Variants in RDX observed in about 807,000 individuals in gnomAD.
RDX encodes the protein deafness, autosomal recessive 24.
Under a neutral mutation model 83.7 loss-of-function variants are expected in RDX, and 32 were observed. That is an observed-to-expected ratio of 0.38 (90% CI 0.29 to 0.51). The LOEUF (loss-of-function observed/expected upper bound fraction) is 0.51, where lower values mean the gene tolerates loss of function less well. RDX is among the 20% of genes least tolerant of loss of function. The pLI, the probability that RDX is intolerant of heterozygous loss-of-function variation, is 0.87. For synonymous variants in RDX, 229 were observed against 222.7 expected (o/e 1.03, Z -0.25); for missense variants, 600 against 689.9 (o/e 0.87, Z 1.46).
intron 14 of RDX, among the ~76,000 whole-genome samples, chr11:110,221,963 C>T (rs1216280122): frequency 6.6e-6 from 1 of 152,134 alleles, no homozygotes; most frequent in Non-Finnish European, 1.5e-5. Context: ...AGTGCACAAA[C>T]AGCAATTGCT....
intron 14 of RDX, among the ~76,000 whole-genome samples, chr11:110,215,774 G>A (rs752744411): frequency 1.6e-4 from 25 of 152,166 alleles, no homozygotes; most frequent in African/African-American, 4.3e-4. Flanking sequence ...AAGGGCTTTC[G>A]CTTCTAAGAA....
rs202060807 is a variant in RDX, at chr11:110,203,627, CTCA to C, written c.1749-3952_1749-3950del. ...ACATTGCATGCTTGTATCAAAATAT[CTCA>C]TGTCCCCCATAAATATATACTTATG... On this transcript the variant is annotated intron_variant, in intron 14 of 15. Coordinates refer to the RDX transcript ENST00000528498. Among the ~76,000 whole-genome samples, 484 of 151,992 alleles carry C rather than the reference CTCA, an allele frequency of 3.2e-3. 11 individuals are homozygous for C. The highest frequency in any genetic ancestry group is 0.026 in the Admixed American group (399 of 15,272).
chr11:110,175,706 TATC>T (rs1359351427), intron 15 of RDX, among the ~76,000 whole-genome samples: 1 of 152,234 alleles, frequency 6.6e-6, no homozygotes, highest in Admixed American at 6.5e-5. Flanking sequence ...AGGATGTAAT[TATC>T]ATTCATTTGA....
At chr11:110,204,504 T>C (rs76206934) in intron 14 of RDX, among the ~76,000 whole-genome samples, 14 of 147,730 alleles carry the variant, frequency 9.5e-5, no homozygotes, top group Admixed American at 4.1e-4. Flanking sequence ...TTCTTTCTTT[T>C]TTTTTTTTCC....
chr11:110,263,875 A>AT, intron 5 of RDX, 85 bp downstream of exon 5: 1 of 1,381,754 alleles, frequency 7.2e-7, no homozygotes, highest in East Asian at 2.4e-5. Context: ...CTCCAAAAAA[A>AT]AAAAAAAACC....
intron 15 of RDX, among the ~76,000 whole-genome samples, chr11:110,188,464 C>T (rs548890904): frequency 1.4e-4 from 21 of 151,850 alleles, no homozygotes; most frequent in South Asian, 2.1e-4. Context: ...GCTATGAGGA[C>T]GCAAAGGCAT....
intron 14 of RDX, among the ~76,000 whole-genome samples, chr11:110,218,013 T>C (rs1176770801): frequency 6.6e-6 from 1 of 152,248 alleles, no homozygotes; most frequent in African/African-American, 2.4e-5. Context: ...ATTATTTGAA[T>C]GGATGACATC....
At chr11:110,269,045 C>T (rs141466470) in intron 3 of RDX, among the ~76,000 whole-genome samples, 2 of 151,736 alleles carry the variant, frequency 1.3e-5, no homozygotes, top group African/African-American at 4.8e-5. Flanking sequence ...CCTCTACCTC[C>T]TGGGTTTCAG....
At chr11:110,244,907 G>A (rs190200116) in intron 10 of RDX, among the ~76,000 whole-genome samples, 20 of 151,402 alleles carry the variant, frequency 1.3e-4, no homozygotes, top group African/African-American at 4.8e-4. Context: ...AATTCACTTC[G>A]TAAAAATTGA....
intron 14 of RDX, among the ~76,000 whole-genome samples, chr11:110,217,400 T>G (rs572247740): frequency 6.6e-6 from 1 of 152,330 alleles, no homozygotes; most frequent in Non-Finnish European, 1.5e-5. Context: ...ACTATGATAT[T>G]CTGAATGACT....
chr11:110,276,983 T>TA (rs1860542401), intron 2 of RDX, among the ~76,000 whole-genome samples: 1 of 152,218 alleles, frequency 6.6e-6, no homozygotes, highest in Non-Finnish European at 1.5e-5. Flanking sequence ...AGTTTCATGT[T>TA]ATAATGACAT....
chr11:110,272,496 C>CT, intron 3 of RDX, 40 bp downstream of exon 3: 1 of 1,253,574 alleles, frequency 8.0e-7, no homozygotes, highest in Non-Finnish European at 1.2e-6. Context: ...AACATTCACA[C>CT]TATGGTGTCA....
chr11:110,264,370 T>C, intron 4 of RDX, 136 bp from the exon 5 acceptor site: 1 of 649,846 alleles, frequency 1.5e-6, no homozygotes, highest in East Asian at 2.7e-5. Context: ...TGTGTAATAG[T>C]CTAAATCTGT....
In RDX at chr11:110,231,942, T is replaced by C. The variant is rs1324635029; in HGVS notation, c.1679A>G (p.Asp560Gly). The change falls in exon 14 of 14, where the codon GAT becomes GGT. Residue 560 changes from aspartate to glycine, a missense_variant. Transcript: ENST00000645495. ...AATCTGTCGCAGAGTCTTGTACTTA[T>C]CACGGCCTGCTTTAACATTCTCAGC... ...LHAENVKAGRDKYKTLRQIRQ... is the reference protein window; with the variant it reads ...LHAENVKAGRGKYKTLRQIRQ... 3 of 1,614,030 alleles carry C rather than the reference T, an allele frequency of 1.9e-6. No homozygotes were observed. The highest frequency in any genetic ancestry group is 2.2e-5 in the East Asian group (1 of 44,884).
intron 1 of RDX, among the ~76,000 whole-genome samples, chr11:110,295,380 T>C (rs1479772041): frequency 1.3e-5 from 2 of 152,072 alleles, no homozygotes; most frequent in Admixed American, 6.5e-5. Flanking sequence ...AGTACTCGTT[T>C]ATCAAATAAA....
chr11:110,269,766 G>A (rs4754437), intron 3 of RDX, among the ~76,000 whole-genome samples: 2,560 of 152,260 alleles, frequency 0.017, 86 homozygotes, highest in East Asian at 0.14. Context: ...CAGGCTGGAC[G>A]GTGGCTCACG....
chr11:110,281,977 A>C (rs1048364133), intron 1 of RDX, among the ~76,000 whole-genome samples: 3 of 151,530 alleles, frequency 2.0e-5, no homozygotes, highest in African/African-American at 7.3e-5. Context: ...ACAAAAAAAA[A>C]ACGAGCCAGG....
intron 15 of RDX, among the ~76,000 whole-genome samples, chr11:110,176,360 G>T (rs1025780198): frequency 6.6e-6 from 1 of 152,098 alleles, no homozygotes; most frequent in African/African-American, 2.4e-5. Flanking sequence ...CACCTTGTCC[G>T]GCCTAGCACC....
At chr11:110,256,145 T>C (rs11213326) in intron 7 of RDX, among the ~76,000 whole-genome samples, 59,930 of 151,972 alleles carry the variant, frequency 0.39, 12,031 homozygotes, top group East Asian at 0.61. Flanking sequence ...TATTGTCCTA[T>C]TGTCCTAATA....
Sources: allele counts gnomAD v4.1 joint callset (sites outside exome capture counted in the v4.1 genomes callset), GRCh38; gene constraint gnomAD v4.1.1; transcripts MANE v1.5; gene names NCBI Gene and HGNC (gene_info 2026-07-23, HGNC 2026-07-21).